Variants in GMDS observed in about 807,000 individuals in gnomAD.
GMDS encodes GDP-mannose 4,6-dehydratase.
Under a neutral mutation model 49.9 loss-of-function variants are expected in GMDS, and 20 were observed. The ratio of observed to expected loss-of-function variants is 0.40; its 90% CI spans 0.28 to 0.58. The LOEUF (loss-of-function observed/expected upper bound fraction) is 0.58. GMDS is among the 20% of genes least tolerant of loss of function. GMDS has a pLI of 0.42. For synonymous variants in GMDS, 177 were observed against 178.6 expected (o/e 0.99, Z 0.07); for missense variants, 362 against 481.4 (o/e 0.75, Z 2.32).
intron 6 of GMDS, among the ~76,000 whole-genome samples, chr6:1,939,971 C>A (rs1007885615): frequency 5.9e-5 from 9 of 152,132 alleles, no homozygotes; most frequent in African/African-American, 1.7e-4. Flanking sequence ...CTACTTACCA[C>A]ACTACACAAA....
intron 7 of GMDS, among the ~76,000 whole-genome samples, chr6:1,817,350 C>A (rs1026118363): frequency 3.9e-5 from 6 of 152,090 alleles, no homozygotes; most frequent in African/African-American, 1.4e-4. Context: ...ACTATTCTTC[C>A]CCCCACGTAT....
At position 1,664,561 on chromosome 6, in the gene GMDS, C is replaced by T. The variant is rs527657875; in HGVS notation, c.988-40021G>A. On this transcript the variant is annotated intron_variant, in intron 9 of 10. Transcript: ENST00000380815. Reference sequence around the variant, plus strand: ...TCTGGCCACTCCTACAGGCACAGCACGGACAATCACATAACGAAGCTGAAA... The same window carrying T: ...TCTGGCCACTCCTACAGGCACAGCATGGACAATCACATAACGAAGCTGAAA... Among the ~76,000 whole-genome samples the T allele has an allele frequency of 2.3e-3, 345 of 152,288 alleles. 4 individuals are homozygous for T. Among genetic ancestry groups the T allele is most frequent in the Non-Finnish European group, 5.4e-4 (37 of 68,030 alleles).
At chr6:1,627,710 A>G (rs78254152) in intron 9 of GMDS, among the ~76,000 whole-genome samples, 2,043 of 152,316 alleles carry the variant, frequency 0.013, 47 homozygotes, top group African/African-American at 0.047. Flanking sequence ...GCTGAATTAA[A>G]GTGATGATTT....
intron 7 of GMDS, among the ~76,000 whole-genome samples, chr6:1,808,291 G>C (rs1464719030): frequency 6.6e-6 from 1 of 152,316 alleles, no homozygotes; most frequent in South Asian, 2.1e-4. Context: ...TTTTCCTTAT[G>C]ATGAGGCTTG....
chr6:1,912,992 T>C (rs986301928), intron 7 of GMDS, among the ~76,000 whole-genome samples: 2 of 152,200 alleles, frequency 1.3e-5, no homozygotes, highest in Admixed American at 6.5e-5. Flanking sequence ...TGCCACACCC[T>C]TTAGTTATGT....
intron 7 of GMDS, among the ~76,000 whole-genome samples, chr6:1,877,409 G>T (rs1759127030): frequency 6.6e-6 from 1 of 152,064 alleles, no homozygotes. Flanking sequence ...AGAGGCCAAG[G>T]TGGGAGGATT....
At chr6:1,760,682 TG>T (rs1386171901) in intron 7 of GMDS, among the ~76,000 whole-genome samples, 2 of 152,234 alleles carry the variant, frequency 1.3e-5, no homozygotes, top group Admixed American at 6.5e-5. Context: ...ATTTCAAATG[TG>T]TTTCCCCAGT....
intron 9 of GMDS, among the ~76,000 whole-genome samples, chr6:1,672,802 C>T (rs1369631158): frequency 1.3e-5 from 2 of 152,210 alleles, no homozygotes; most frequent in African/African-American, 2.4e-5. Flanking sequence ...TGTGCTCTGT[C>T]TGACGCTGCA....
At chr6:1,637,661 T>C (rs1763203650) in intron 9 of GMDS, among the ~76,000 whole-genome samples, 1 of 152,226 alleles carries the variant, frequency 6.6e-6, no homozygotes, top group East Asian at 1.9e-4. Flanking sequence ...CTGCAGACTG[T>C]TGTGGGGACA....
At chr6:1,962,471 A>G (rs988499271) in intron 4 of GMDS, among the ~76,000 whole-genome samples, 1 of 152,216 alleles carries the variant, frequency 6.6e-6, no homozygotes, top group African/African-American at 2.4e-5. Context: ...AAGAACTACC[A>G]GACCATTTTC....
intron 7 of GMDS, among the ~76,000 whole-genome samples, chr6:1,765,895 C>T (rs975166006): frequency 5.3e-5 from 8 of 152,244 alleles, no homozygotes; most frequent in Non-Finnish European, 1.0e-4. Context: ...AAGGCCCTTG[C>T]GAGACTCAGC....
intron 9 of GMDS, among the ~76,000 whole-genome samples, chr6:1,650,674 C>A (rs1339190406): frequency 1.3e-5 from 2 of 152,176 alleles, no homozygotes; most frequent in African/African-American, 4.8e-5. Context: ...CTCCCAGGTT[C>A]AAGTGATTCT....
chr6:2,139,456 G>C (rs567435152), intron 1 of GMDS, among the ~76,000 whole-genome samples: 1 of 152,306 alleles, frequency 6.6e-6, no homozygotes, highest in South Asian at 2.1e-4. Context: ...TAAAAATCCA[G>C]TTCCTCGGGT....
At chr6:2,149,191 A>AG (rs1776721618) in intron 1 of GMDS, among the ~76,000 whole-genome samples, 1 of 152,172 alleles carries the variant, frequency 6.6e-6, no homozygotes, top group Non-Finnish European at 1.5e-5. Flanking sequence ...CTTAGCTCAC[A>AG]GAAAAAAAAG....
At chr6:2,182,890 T>C (rs1194864588) in intron 1 of GMDS, among the ~76,000 whole-genome samples, 2 of 152,162 alleles carry the variant, frequency 1.3e-5, no homozygotes, top group East Asian at 3.9e-4. Flanking sequence ...TATTTTTTTG[T>C]AGAGACAGGG....
intron 6 of GMDS, among the ~76,000 whole-genome samples, chr6:1,946,518 A>C (rs1763081265): frequency 6.6e-6 from 1 of 152,226 alleles, no homozygotes; most frequent in African/African-American, 2.4e-5. Flanking sequence ...CATTATCATT[A>C]CTAACATCAC....
At chr6:2,054,466 T>C (rs1337037351) in intron 4 of GMDS, among the ~76,000 whole-genome samples, 1 of 152,128 alleles carries the variant, frequency 6.6e-6, no homozygotes, top group Non-Finnish European at 1.5e-5. Context: ...GCTCCACAGA[T>C]ACCAAAATCT....
chr6:2,124,707 G>A lies in GMDS; in HGVS notation c.127C>T (p.Leu43=), dbSNP rs778754777. ...CCCACCTCATAGCCTTTCTCCAGCA[G>A]GAACTCAGCCAGGTAGGAACCATCC... The part of the protein sequence containing the change: ...GQDGSYLAEF[L]LEKGYEVHGI... The change falls in exon 2 of 11, where the codon CTG becomes TTG. Residue 43 remains leucine (L), a synonymous_variant. Coordinates refer to ENST00000380815, the MANE Select transcript of GMDS (RefSeq NM_001500.4). 16 of 1,613,700 alleles carry A rather than the reference G, an allele frequency of 9.9e-6. No individual in the cohort carries two copies. The Admixed American group carries it at 1.0e-4, about 10-fold the overall frequency.
chr6:1,934,856 G>A (rs114330673), intron 6 of GMDS, among the ~76,000 whole-genome samples: 1,604 of 152,232 alleles, frequency 0.011, 29 homozygotes, highest in African/African-American at 0.038. Flanking sequence ...ACTATCCCAA[G>A]TGAGAGGTGA....
Sources: gnomAD v4.1 joint callset for allele counts (sites outside exome capture counted in the v4.1 genomes callset) on GRCh38, gnomAD v4.1.1 for gene constraint, MANE v1.5 for transcripts, NCBI Gene and HGNC (gene_info 2026-07-23, HGNC 2026-07-21) for gene names.